The following PIK3C2A variants were observed in gnomAD, a reference collection of about 807,000 sequenced individuals.
PIK3C2A encodes phosphatidylinositol-4-phosphate 3-kinase catalytic subunit type 2 alpha, also known as phosphatidylinositol 4-phosphate 3-kinase C2 domain-containing subunit alpha.
PIK3C2A carries 97 observed loss-of-function variants against 204.5 expected under a neutral mutation model. The ratio of observed to expected loss-of-function variants is 0.47; its 90% CI spans 0.40 to 0.56. The LOEUF (loss-of-function observed/expected upper bound fraction) is 0.56. Among genes scored for constraint, PIK3C2A ranks in the 20% least tolerant of loss-of-function variants. The pLI is 0.00. For missense variants in PIK3C2A, 1,735 were observed against 1,969.2 expected (o/e 0.88, Z 2.25); for synonymous variants, 653 against 664.4 (o/e 0.98, Z 0.26).
At chr11:17,171,647 A>C (rs1004976922) in intron 1 of PIK3C2A, among the ~76,000 whole-genome samples, 6 of 152,258 alleles carry the variant, frequency 3.9e-5, no homozygotes, top group Non-Finnish European at 8.8e-5. Flanking sequence ...GGCACAATGT[A>C]TATTTAAAAT....
intron 1 of PIK3C2A, among the ~76,000 whole-genome samples, chr11:17,182,115 A>C (rs1464402450): frequency 6.6e-6 from 1 of 152,064 alleles, no homozygotes; most frequent in Non-Finnish European, 1.5e-5. Context: ...AAAAGTTAGA[A>C]TAGTAGTTAC....
chr11:17,133,626 T>G (rs1334742711), intron 11 of PIK3C2A, among the ~76,000 whole-genome samples: 2 of 152,040 alleles, frequency 1.3e-5, no homozygotes, highest in African/African-American at 4.8e-5. Flanking sequence ...ACATTGATTT[T>G]CAAATAAAGT....
At chr11:17,101,677 C>T (rs1404272099) in intron 24 of PIK3C2A, among the ~76,000 whole-genome samples, 2 of 150,540 alleles carry the variant, frequency 1.3e-5, no homozygotes, top group East Asian at 2.0e-4. Context: ...GATCTAGGCT[C>T]ACTGCAAGCT....
Position 17,112,611 on chromosome 11 carries a change from G to A in PIK3C2A, c.3377C>T (p.Ala1126Val). 6.4e-7 allele frequency: 1 copy of A among 1,559,420 alleles called. No homozygotes were observed. Among genetic ancestry groups the A allele is most frequent in the Non-Finnish European group, 8.7e-7 (1 of 1,145,888 alleles). The change falls in exon 21 of 33, where the codon GCT (alanine) becomes GTT (valine). Residue 1126 changes from alanine to valine, a missense_variant. Ala to Val is a moderately conservative substitution (Grantham distance 64). This residue lies in a region of PIK3C2A where 567 missense variants were observed against 576.0 expected (regional missense o/e 0.98). Transcript: ENST00000691414. ...ATTAATTTCTTCTCCCATAGGGTCA[G>A]CATTCACCATTGTGACTTTTAGGGG... is the stretch of plus-strand genomic sequence containing the variant. ...AVPLKVTMVN[A>V]DPMGEEINVM...
At chr11:17,137,832 G>T in intron 8 of PIK3C2A, 1 of 302,438 alleles carries the variant, frequency 3.3e-6, no homozygotes, top group South Asian at 3.7e-5. Context: ...CCAAGCTAGC[G>T]CATTTTTAGA....
chr11:17,099,293 C>A (rs1409922150), intron 26 of PIK3C2A, among the ~76,000 whole-genome samples: 2 of 152,146 alleles, frequency 1.3e-5, no homozygotes, highest in Non-Finnish European at 2.9e-5. Context: ...GCAGCAGTGA[C>A]CAGGGTTTGC....
At chr11:17,192,518 G>C (rs1342185946) in intron 1 of PIK3C2A, among the ~76,000 whole-genome samples, 1 of 152,210 alleles carries the variant, frequency 6.6e-6, no homozygotes, top group African/African-American at 2.4e-5. Context: ...CGCAATCTCA[G>C]CTCACTACAA....
At chr11:17,123,760 T>C (rs560975827) in intron 13 of PIK3C2A, among the ~76,000 whole-genome samples, 91 of 54,790 alleles carry the variant, frequency 1.7e-3, no homozygotes, top group Non-Finnish European at 2.9e-3. Context: ...TATTTGTATT[T>C]ATAAAAAGAA....
intron 8 of PIK3C2A, among the ~76,000 whole-genome samples, chr11:17,141,896 T>C (rs1590955719): frequency 6.6e-6 from 1 of 152,210 alleles, no homozygotes. Flanking sequence ...GTGAAATGTA[T>C]AAGATCTTTT....
intron 5 of PIK3C2A, chr11:17,148,426 CTG>C: frequency 2.4e-6 from 1 of 413,180 alleles, no homozygotes; most frequent in South Asian, 3.7e-5. Flanking sequence ...GAAACTCTTC[CTG>C]TAAAGACTAC....
chr11:17,155,372 G>A (rs1160133051), intron 3 of PIK3C2A, among the ~76,000 whole-genome samples, 154 bp downstream of exon 3: 1 of 152,186 alleles, frequency 6.6e-6, no homozygotes, highest in African/African-American at 2.4e-5. Flanking sequence ...AAGTTCAACT[G>A]TGGTTTGTGA....
chr11:17,116,570 T>C (rs1314969013), intron 19 of PIK3C2A, among the ~76,000 whole-genome samples: 5 of 152,050 alleles, frequency 3.3e-5, no homozygotes, highest in African/African-American at 1.2e-4. Flanking sequence ...CACAAATTTA[T>C]ACATGAATAT....
Position 17,092,171 on chromosome 11 carries a change from C to T in PIK3C2A, c.4557G>A (p.Thr1519=), listed in dbSNP as rs142820512. 9.7e-4 allele frequency: 1,537 copies of T among 1,577,120 alleles called. No individual in the cohort carries two copies. Among genetic ancestry groups the T allele is most frequent in the Non-Finnish European group, 1.2e-3 (1,427 of 1,146,282 alleles). ...SYLQSLMNAS[T]DVAECDLVCT... ...TTAGTAAGGTTACCTCTGCTACATC[C>T]GTTGAAGCATTCATCAAACTCTGTA... Residue 1519 remains threonine, a synonymous_variant, in exon 29 of 33, where the codon ACG becomes ACA. Transcript: ENST00000691414.
intron 2 of PIK3C2A, among the ~76,000 whole-genome samples, chr11:17,162,267 A>G (rs1850799145): frequency 6.6e-6 from 1 of 151,432 alleles, no homozygotes; most frequent in East Asian, 1.9e-4. Flanking sequence ...CTTGAACCCG[A>G]GACGTGGAGG....
At chr11:17,120,035 A>G in intron 15 of PIK3C2A, 61 bp from the exon 16 acceptor site, 1 of 685,556 alleles carries the variant, frequency 1.5e-6, no homozygotes, top group African/African-American at 1.9e-5. Context: ...AATCTCAATG[A>G]TTAAAAATAC....
chr11:17,178,766 A>G (rs1851429559), intron 1 of PIK3C2A, among the ~76,000 whole-genome samples: 1 of 127,512 alleles, frequency 7.8e-6, no homozygotes, highest in South Asian at 2.6e-4. Context: ...TCTGTCGCCC[A>G]GGCCGGACTG....
chr11:17,114,080 A>AAAAT (rs371798912), intron 20 of PIK3C2A, among the ~76,000 whole-genome samples: 6,302 of 143,356 alleles, frequency 0.044, 173 homozygotes, highest in Non-Finnish European at 0.063. Context: ...TTTGTCTCAA[A>AAAAT]AAATAAATAA....
intron 1 of PIK3C2A, among the ~76,000 whole-genome samples, chr11:17,205,473 CAAAAAAAAAAAAAAA>C (rs755518412): frequency 1.0e-3 from 26 of 25,390 alleles, no homozygotes; most frequent in East Asian, 1.4e-3. Context: ...GACTCCATCT[CAAAAAAAAAAAAAAA>C]AAAAAAAAAA....
chr11:17,127,686 A>G (rs561750864), intron 13 of PIK3C2A, among the ~76,000 whole-genome samples: 1 of 152,312 alleles, frequency 6.6e-6, no homozygotes, highest in African/African-American at 2.4e-5. Flanking sequence ...TGAACATCCT[A>G]TTATTGTCAA....
Sources: allele counts gnomAD v4.1 joint callset (sites outside exome capture counted in the v4.1 genomes callset), GRCh38; gene constraint gnomAD v4.1.1; regional missense constraint gnomAD v4.1.1; transcripts MANE v1.5; gene names NCBI Gene and HGNC (gene_info 2026-07-23, HGNC 2026-07-21).